LACTB2: variants seen among roughly 807,000 people sequenced by gnomAD.
The protein encoded by LACTB2 is lactamase beta 2.
Under a neutral mutation model 34.8 loss-of-function variants are expected in LACTB2, and 32 were observed. The ratio of observed to expected loss-of-function variants is 0.92; its 90% CI spans 0.69 to 1.24. The LOEUF is 1.24. LACTB2 is among the 50% of genes most tolerant of loss of function. LACTB2 has a pLI of 0.00. For synonymous variants in LACTB2, 120 were observed against 117.5 expected (o/e 1.02, Z -0.14); for missense variants, 320 against 345.0 (o/e 0.93, Z 0.57).
At chr8:70,646,195 T>C (rs1818262006) in intron 3 of LACTB2, 1 of 152,188 alleles carries the variant, frequency 6.6e-6, no homozygotes, top group African/African-American at 2.4e-5. Context: ...TTCTAACTGG[T>C]GTGAGATGGT....
At chr8:70,652,936 G>A (rs960116528) in intron 3 of LACTB2, among the ~76,000 whole-genome samples, 3 of 151,954 alleles carry the variant, frequency 2.0e-5, no homozygotes, top group African/African-American at 4.8e-5. Flanking sequence ...CCAAATCTTC[G>A]AGACAGAAGA....
At chr8:70,638,521 T>C (rs747965401) in intron 6 of LACTB2, 27 bp downstream of exon 6, 4 of 1,521,960 alleles carry the variant, frequency 2.6e-6, no homozygotes, top group African/African-American at 1.4e-5. Flanking sequence ...ATGCTGGTAA[T>C]AGAAGAAAAT....
chr8:70,642,290 T>C (rs1818207929), intron 4 of LACTB2, among the ~76,000 whole-genome samples: 1 of 152,126 alleles, frequency 6.6e-6, no homozygotes, highest in Admixed American at 6.5e-5. Flanking sequence ...AATCCTTTAA[T>C]GTCATCATAT....
At position 70,638,603 on chromosome 8, in the gene LACTB2, C is replaced by T. The variant is rs762210717; in HGVS notation, c.768G>A (p.Met256Ile). Residue 256 changes from methionine to isoleucine, a missense_variant, in exon 6 of 7, where the codon ATG becomes ATA. Physicochemically the swap from Met to Ile is conservative, Grantham distance 10. Transcript: ENST00000276590. ...AATGAAGTAAGAGATTATGTTTAGC[C>T]ATTTCATGTAAATTCTCAGGAGTAT... Reference protein sequence around the residue: ...YKNTPENLHEMAKHNLLLHLK... With the variant: ...YKNTPENLHEIAKHNLLLHLK... 7.5e-6 allele frequency: 11 copies of T among 1,469,632 alleles called. No homozygotes were observed. The East Asian group carries it at 1.0e-4, about 14-fold the overall frequency. The allele number at this position is 1,469,632 out of a possible 1,614,324, so 91.0% of individuals were successfully genotyped here. A position where few individuals can be genotyped will look rare whatever the true frequency, so the allele number is the denominator to read the frequency against.
intron 1 of LACTB2, among the ~76,000 whole-genome samples, chr8:70,663,442 A>C (rs1818503368): frequency 6.6e-6 from 1 of 152,226 alleles, no homozygotes; most frequent in Non-Finnish European, 1.5e-5. Context: ...AGCACAGTAG[A>C]TGTCCTTCAG....
chr8:70,663,443 T>C (rs1818503398), intron 1 of LACTB2, among the ~76,000 whole-genome samples: 1 of 152,200 alleles, frequency 6.6e-6, no homozygotes, highest in Admixed American at 6.5e-5. Context: ...GCACAGTAGA[T>C]GTCCTTCAGA....
intron 1 of LACTB2, 75 bp from the exon 2 acceptor site, chr8:70,661,972 TTTACA>T (rs1378661585): frequency 6.9e-6 from 9 of 1,305,808 alleles, no homozygotes; most frequent in Middle Eastern, 1.9e-4. Context: ...ACACAGATAA[TTTACA>T]TTAAAGAAAC....
At chr8:70,666,878 T>C (rs1188369377) in intron 1 of LACTB2, among the ~76,000 whole-genome samples, 1 of 152,180 alleles carries the variant, frequency 6.6e-6, no homozygotes, top group Non-Finnish European at 1.5e-5. Flanking sequence ...ATGAGTTCAG[T>C]ATGGAAAACA....
chr8:70,648,220 A>G (rs1818289442), intron 3 of LACTB2, among the ~76,000 whole-genome samples: 1 of 152,198 alleles, frequency 6.6e-6, no homozygotes, highest in South Asian at 2.1e-4. Flanking sequence ...ACAGCTCTGT[A>G]GTTTCCATCA....
intron 1 of LACTB2, among the ~76,000 whole-genome samples, chr8:70,666,216 A>G (rs1273819497): frequency 1.3e-5 from 2 of 152,226 alleles, no homozygotes; most frequent in Non-Finnish European, 2.9e-5. Flanking sequence ...CTTTCACTGA[A>G]CTGATGTTAT....
At chr8:70,647,675 A>G (rs546045260) in intron 3 of LACTB2, among the ~76,000 whole-genome samples, 1 of 152,230 alleles carries the variant, frequency 6.6e-6, no homozygotes, top group African/African-American at 2.4e-5. Context: ...GGAAGCCTAA[A>G]TAAGCAGCAG....
intron 1 of LACTB2, among the ~76,000 whole-genome samples, chr8:70,667,171 T>C (rs1252356912): frequency 2.6e-5 from 4 of 152,156 alleles, no homozygotes; most frequent in Admixed American, 6.5e-5. Flanking sequence ...CAAGAGGTAA[T>C]AGGAAACCTG....
chr8:70,644,202 A>G lies in LACTB2; in HGVS notation c.455T>C (p.Leu152Pro). Residue 152 changes from leucine (L) to proline (P), a missense_variant, in exon 4 of 7, where the codon CTA (leucine) becomes CCA (proline). Transcript: ENST00000276590. ...TPGHTDDHMA[L>P]LLEEENAIFS... ...GATAGCATTTTCCTCTTCTAAGAGTAGAGCCATGTGATCATCAGTGTGGCC... is the reference window on the plus strand; with the variant it reads ...GATAGCATTTTCCTCTTCTAAGAGTGGAGCCATGTGATCATCAGTGTGGCC... The G allele has an allele frequency of 5.0e-6, 8 of 1,611,880 alleles. No homozygotes were observed. Among genetic ancestry groups the G allele is most frequent in the Non-Finnish European group, 6.8e-6 (8 of 1,178,986 alleles).
intron 2 of LACTB2, chr8:70,661,263 GAGAT>G (rs982056781): frequency 2.1e-5 from 7 of 338,822 alleles, no homozygotes; most frequent in African/African-American, 1.5e-4. Context: ...AGGAAATAAA[GAGAT>G]AGAAAATGTC....
chr8:70,638,212 C>CCT (rs1479031717), intron 6 of LACTB2, among the ~76,000 whole-genome samples: 3 of 152,202 alleles, frequency 2.0e-5, no homozygotes, highest in Non-Finnish European at 2.9e-5. Flanking sequence ...CTGTTTAAAA[C>CCT]CTTTGGCTGT....
At chr8:70,638,500 A>C in intron 6 of LACTB2, 48 bp downstream of exon 6, 1 of 1,495,340 alleles carries the variant, frequency 6.7e-7, no homozygotes, top group Non-Finnish European at 9.0e-7. Flanking sequence ...GCATCTGTAA[A>C]AATATTTTAA....
intron 2 of LACTB2, among the ~76,000 whole-genome samples, chr8:70,658,284 CATTA>C (rs2132078305): frequency 1.3e-5 from 2 of 152,276 alleles, no homozygotes; most frequent in Non-Finnish European, 2.9e-5. Context: ...AAAGGATAAA[CATTA>C]ATTAATAACG....
intron 6 of LACTB2, 68 bp downstream of exon 6, chr8:70,638,479 AG>A: frequency 6.9e-7 from 1 of 1,440,626 alleles, no homozygotes; most frequent in Non-Finnish European, 9.3e-7. Context: ...TTTTCCTCAA[AG>A]GAAACTAAGG....
At chr8:70,658,013 G>T in intron 2 of LACTB2, 131 bp from the exon 3 acceptor site, 2 of 534,174 alleles carry the variant, frequency 3.7e-6, no homozygotes, top group Non-Finnish European at 6.2e-6. Context: ...ACAGAAAATG[G>T]GATGAATTAC....
Sources: gnomAD v4.1 joint callset for allele counts (sites outside exome capture counted in the v4.1 genomes callset) on GRCh38, gnomAD v4.1.1 for gene constraint, MANE v1.5 for transcripts, NCBI Gene and HGNC (gene_info 2026-07-23, HGNC 2026-07-21) for gene names.